The following GALNT14 variants were observed in gnomAD, a reference collection of about 807,000 sequenced individuals.
GALNT14 encodes UDP-GalNAc:polypeptide N-acetylgalactosaminyltransferase 14.
GALNT14 carries 60 observed loss-of-function variants against 77.5 expected under a neutral mutation model. The ratio of observed to expected loss-of-function variants is 0.77; its 90% confidence interval spans 0.63 to 0.96. GALNT14 has a LOEUF of 0.96. Among genes scored for constraint, GALNT14 ranks in the 40% least tolerant of loss-of-function variants. GALNT14 has a pLI of 0.00. For missense variants in GALNT14, 710 were observed against 731.0 expected, an observed-to-expected ratio of 0.97 and a Z score of 0.33; for synonymous variants, 280 against 281.7, an observed-to-expected ratio of 0.99 and a Z score of 0.06.
At chr2:30,996,231 G>GA (rs1209169421) in intron 1 of GALNT14, among the ~76,000 whole-genome samples, 3 of 152,030 alleles carry the variant, frequency 2.0e-5, no homozygotes, top group Admixed American at 6.6e-5. Flanking sequence ...AAGGCCCAGA[G>GA]AAAAAAAATC....
At chr2:30,905,035 G>A in the GALNT14 span, among the ~76,000 whole-genome samples, 3 of 152,232 alleles carry the variant, frequency 2.0e-5, no homozygotes, top group South Asian at 6.2e-4. Context: ...AAACAGAAAG[G>A]ACATCCACAC....
At chr2:31,075,264 T>C (rs890813769) in intron 1 of GALNT14, among the ~76,000 whole-genome samples, 1 of 152,198 alleles carries the variant, frequency 6.6e-6, no homozygotes. Context: ...AGCACCACAT[T>C]TCCTGTATAC....
At position 30,945,220 on chromosome 2, in the gene GALNT14, AG is replaced by A. The variant is rs34074713; in HGVS notation, c.743-279del. On this transcript the variant is annotated intron_variant, in intron 7 of 14. Coordinates refer to ENST00000349752, the MANE Select transcript of GALNT14 (RefSeq NM_024572.4). ...GGCAGAGGATAAAAAGCCTAGGGGT[AG>A]GGGCCGAGGATGACAGGATGGACAG... is the stretch of plus-strand genomic sequence containing the variant. 5.6e-4 allele frequency among the ~76,000 whole-genome samples: 86 copies of A among 152,342 alleles called. 1 individual carries two copies. The highest frequency in any genetic ancestry group is 2.0e-3 in the African/African-American group (85 of 41,582).
At chr2:31,106,752 T>C (rs1249393880) in intron 1 of GALNT14, among the ~76,000 whole-genome samples, 1 of 152,134 alleles carries the variant, frequency 6.6e-6, no homozygotes, top group East Asian at 1.9e-4. Flanking sequence ...GTAATTTTCG[T>C]GGCTCTTGCT....
intron 1 of GALNT14, among the ~76,000 whole-genome samples, chr2:31,093,045 G>A (rs992600279): frequency 6.6e-6 from 1 of 152,098 alleles, no homozygotes; most frequent in Non-Finnish European, 1.5e-5. Flanking sequence ...TCTGAGGTTC[G>A]TTCCATCAGG....
At chr2:31,016,126 A>C (rs1237839901) in intron 1 of GALNT14, among the ~76,000 whole-genome samples, 1 of 152,174 alleles carries the variant, frequency 6.6e-6, no homozygotes, top group African/African-American at 2.4e-5. Flanking sequence ...TTATTTTCTC[A>C]CAGCTCTGGA....
At chr2:31,133,744 A>G (rs1405121975) in intron 1 of GALNT14, among the ~76,000 whole-genome samples, 1 of 152,236 alleles carries the variant, frequency 6.6e-6, no homozygotes, top group East Asian at 1.9e-4. Context: ...AACATTTTTC[A>G]GCTACTTTTA....
chr2:30,938,384 A>ACACACACACACTCT (rs1174119035), intron 9 of GALNT14, among the ~76,000 whole-genome samples: 390 of 141,750 alleles, frequency 2.8e-3, no homozygotes, highest in African/African-American at 9.7e-3. Context: ...ACACACACAC[A>ACACACACACACTCT]CTCTCTCTCT....
At chr2:30,990,969 G>C (rs568927156) in intron 2 of GALNT14, among the ~76,000 whole-genome samples, 1 of 152,200 alleles carries the variant, frequency 6.6e-6, no homozygotes, top group Admixed American at 6.5e-5. Flanking sequence ...TGCAAAGCCC[G>C]GAACTGGACA....
intron 3 of GALNT14, among the ~76,000 whole-genome samples, chr2:30,961,357 T>C (rs574799624): frequency 1.3e-5 from 2 of 152,142 alleles, no homozygotes; most frequent in Non-Finnish European, 2.9e-5. Flanking sequence ...CGGCTGACAG[T>C]TGAGTTTAGT....
intron 1 of GALNT14, among the ~76,000 whole-genome samples, chr2:31,016,193 A>C (rs116777010): frequency 0.024 from 3,618 of 152,218 alleles, 134 homozygotes; most frequent in African/African-American, 0.083. Flanking sequence ...AGGCCTCTCC[A>C]CTTGGCCCGC....
intron 1 of GALNT14, among the ~76,000 whole-genome samples, chr2:31,003,207 C>A (rs1440292457): frequency 6.6e-6 from 1 of 152,120 alleles, no homozygotes; most frequent in Non-Finnish European, 1.5e-5. Flanking sequence ...TAAGCAATTG[C>A]TCCTTCAATG....
intron 1 of GALNT14, among the ~76,000 whole-genome samples, chr2:31,001,910 G>T (rs1024399942): frequency 1.3e-5 from 2 of 152,114 alleles, no homozygotes; most frequent in Admixed American, 6.6e-5. Context: ...TGGCTGGGTC[G>T]ATTTGAAAAA....
chr2:31,095,598 T>C (rs555815452), intron 1 of GALNT14, among the ~76,000 whole-genome samples: 2 of 152,144 alleles, frequency 1.3e-5, no homozygotes, highest in Non-Finnish European at 2.9e-5. Context: ...TGACCCTCCA[T>C]GAGGGTAGTG....
chr2:30,996,454 C>A (rs956982996), intron 1 of GALNT14, among the ~76,000 whole-genome samples: 17 of 152,218 alleles, frequency 1.1e-4, no homozygotes, highest in Non-Finnish European at 2.9e-5. Flanking sequence ...CTGGGGCCTG[C>A]CTAGTGGGTC....
chr2:31,017,746 G>T (rs1325070762), intron 1 of GALNT14, among the ~76,000 whole-genome samples: 1 of 152,162 alleles, frequency 6.6e-6, no homozygotes, highest in Admixed American at 6.5e-5. Context: ...GCTGCACAGG[G>T]CACAATGGAA....
chr2:31,079,271 G>A (rs145155575), intron 1 of GALNT14, among the ~76,000 whole-genome samples: 22 of 152,226 alleles, frequency 1.4e-4, no homozygotes, highest in East Asian at 1.4e-3. Flanking sequence ...CCATTCACTC[G>A]CTGTATGGCA....
At chr2:31,047,553 C>A (rs6730186) in intron 1 of GALNT14, among the ~76,000 whole-genome samples, 65,207 of 151,978 alleles carry the variant, frequency 0.43, 14,301 homozygotes, top group East Asian at 0.54. Context: ...ACACTACAAG[C>A]AACATTTCTT....
chr2:30,950,092 C>T (rs942116211), intron 6 of GALNT14, among the ~76,000 whole-genome samples: 1 of 152,144 alleles, frequency 6.6e-6, no homozygotes, highest in Non-Finnish European at 1.5e-5. Context: ...AACTATCCTG[C>T]CTCTCTAACT....
Sources: allele counts gnomAD v4.1 joint callset (sites outside exome capture counted in the v4.1 genomes callset), GRCh38; gene constraint gnomAD v4.1.1; transcripts MANE v1.5; gene names NCBI Gene and HGNC (gene_info 2026-07-23, HGNC 2026-07-21).